Variants in RILPL2 observed in about 807,000 individuals in gnomAD.
The protein encoded by RILPL2 is RILP-like protein 2.
In RILPL2, 19 loss-of-function variants were observed where a neutral mutation model predicts 22.2. The observed-to-expected ratio is 0.86, with a 90% CI of 0.60 to 1.25. The LOEUF (loss-of-function observed/expected upper bound fraction) is 1.25, where lower values mean the gene tolerates loss of function less well. Ranked by LOEUF, RILPL2 falls within the 50% of genes most tolerant of loss-of-function variation. RILPL2 has a pLI of 0.00. For synonymous variants in RILPL2, 123 were observed against 111.6 expected, an observed-to-expected ratio of 1.10 and a Z score of -0.64; for missense variants, 243 against 263.6, an observed-to-expected ratio of 0.92 and a Z score of 0.54.
At chr12:123,431,132 AG>A (rs1879636750) in intron 1 of RILPL2, among the ~76,000 whole-genome samples, 1 of 152,152 alleles carries the variant, frequency 6.6e-6, no homozygotes, top group Non-Finnish European at 1.5e-5. Flanking sequence ...ACAGCAGCCA[AG>A]GGGTAGTAGC....
At chr12:123,430,345 G>A (rs150847848) in intron 2 of RILPL2, among the ~76,000 whole-genome samples, 163 bp downstream of exon 2, 3 of 151,852 alleles carry the variant, frequency 2.0e-5, no homozygotes, top group Admixed American at 1.3e-4. Flanking sequence ...GGAGGCAGAG[G>A]TTGCAGTGAG....
chr12:123,421,141 C>T (rs1476936001), intron 3 of RILPL2, among the ~76,000 whole-genome samples: 1 of 151,786 alleles, frequency 6.6e-6, no homozygotes, highest in Non-Finnish European at 1.5e-5. Context: ...CTCCCAAGCT[C>T]AAGTGATTCT....
At chr12:123,430,399 ACT>A (rs963598966) in intron 2 of RILPL2, 107 bp downstream of exon 2, 1 of 1,132,464 alleles carries the variant, frequency 8.8e-7, no homozygotes, top group East Asian at 3.1e-5. Flanking sequence ...ACAGAGCGAG[ACT>A]CTGTCTCAAA....
intron 2 of RILPL2, among the ~76,000 whole-genome samples, chr12:123,430,226 G>A (rs138170286): frequency 0.052 from 7,780 of 149,436 alleles, 266 homozygotes; most frequent in Non-Finnish European, 0.077. Context: ...TGCCTAACAC[G>A]GTGAAACTCC....
intron 1 of RILPL2, among the ~76,000 whole-genome samples, chr12:123,432,041 CCT>C (rs1213152703): frequency 6.6e-6 from 1 of 151,504 alleles, no homozygotes; most frequent in African/African-American, 2.4e-5. Flanking sequence ...ATTACAGGCG[CCT>C]GCCACCAAGC....
chr12:123,419,159 C>T (rs894687683), intron 3 of RILPL2, among the ~76,000 whole-genome samples: 7 of 151,550 alleles, frequency 4.6e-5, no homozygotes, highest in African/African-American at 1.7e-4. Flanking sequence ...TACAGGCGCC[C>T]ACTACCATGC....
At chr12:123,412,220 C>A (rs1241854792), downstream of RILPL2, 1 of 152,200 alleles carries the variant, frequency 6.6e-6, no homozygotes, top group Non-Finnish European at 1.5e-5. Context: ...TAGCTCACTG[C>A]AGCCTCAAAC....
In RILPL2 at chr12:123,430,494, G is replaced by A. The variant is rs372809490; in HGVS notation, c.491+14C>T. On this transcript the variant is annotated intron_variant, in intron 2 of 3. Coordinates refer to ENST00000280571, the MANE Select transcript of RILPL2 (RefSeq NM_145058.3). Reference sequence around the variant, plus strand: ...CAGGTCTGGGTGCAGGACCCTCCAGGCAGTGGAGCCCACCTCTTGTAGCAC... The same window carrying A: ...CAGGTCTGGGTGCAGGACCCTCCAGACAGTGGAGCCCACCTCTTGTAGCAC... 2 of 1,598,260 alleles carry A rather than the reference G, an allele frequency of 1.3e-6. No individual in the cohort carries two copies. The highest frequency in any genetic ancestry group is 1.7e-6 in the Non-Finnish European group (2 of 1,171,014).
At chr12:123,427,208 T>C (rs1879466018) in intron 2 of RILPL2, among the ~76,000 whole-genome samples, 1 of 152,186 alleles carries the variant, frequency 6.6e-6, no homozygotes. Flanking sequence ...CAGCTGGGGC[T>C]GTCAGCAGGT....
chr12:123,426,463 A>G (rs1879444337), intron 2 of RILPL2, among the ~76,000 whole-genome samples: 2 of 151,948 alleles, frequency 1.3e-5, no homozygotes, highest in South Asian at 2.1e-4. Flanking sequence ...ATATTTTATT[A>G]TAGATACTTA....
At chr12:123,419,009 G>T (rs541186440) in intron 3 of RILPL2, among the ~76,000 whole-genome samples, 1 of 143,236 alleles carries the variant, frequency 7.0e-6, no homozygotes, top group Non-Finnish European at 1.5e-5. Flanking sequence ...GACCCACTGC[G>T]CCCGGCTTTT....
intron 2 of RILPL2, among the ~76,000 whole-genome samples, chr12:123,423,659 C>CT (rs35205288): frequency 0.16 from 22,685 of 139,406 alleles, 2,003 homozygotes; most frequent in Middle Eastern, 0.29. Flanking sequence ...TGCCTCGTTT[C>CT]TTTTTTTTTT....
chr12:123,420,595 C>T lies in RILPL2; in HGVS notation c.605+2449G>A, dbSNP rs546312860. Among the ~76,000 whole-genome samples the T allele has an allele frequency of 3.3e-5, 5 of 151,856 alleles. No individual in the cohort carries two copies. In the South Asian group the frequency reaches 8.3e-4, roughly 25 times the overall value. ...GGGATTACAGGCACCCGCCACCATG[C>T]CCGGCTAATTTTTGTATTTTTAGTA... On this transcript the variant is annotated intron_variant, in intron 3 of 3. Coordinates refer to ENST00000280571, the MANE Select transcript of RILPL2 (RefSeq NM_145058.3).
At chr12:123,425,122 G>A (rs75608291) in intron 2 of RILPL2, among the ~76,000 whole-genome samples, 9 of 151,598 alleles carry the variant, frequency 5.9e-5, no homozygotes, top group Middle Eastern at 3.4e-3. Context: ...CTCGTGATCC[G>A]CCCGCCTCTG....
intron 1 of RILPL2, among the ~76,000 whole-genome samples, chr12:123,432,016 TC>T (rs1325256380): frequency 6.6e-6 from 1 of 151,528 alleles, no homozygotes; most frequent in Non-Finnish European, 1.5e-5. Context: ...TGCCTCAGCC[TC>T]CCTAGTAGCT....
Position 123,433,075 on chromosome 12 carries a change from C to CT in RILPL2, c.340-2417dup, listed in dbSNP as rs1879696976. Among the ~76,000 whole-genome samples the CT allele has an allele frequency of 3.3e-5, 5 of 149,540 alleles. No individual in the cohort carries two copies. In the South Asian group the frequency reaches 1.1e-3, roughly 32 times the overall value. On this transcript the variant is annotated intron_variant, in intron 1 of 3. Coordinates refer to ENST00000280571, the MANE Select transcript of RILPL2 (RefSeq NM_145058.3). Reference sequence around the variant, plus strand: ...GAATTTCAGTGACTCTGTTCCTGTTCTTTCCTGGCTTACTTCTTGGTTTGT... The same window carrying CT: ...GAATTTCAGTGACTCTGTTCCTGTTCTTTTCCTGGCTTACTTCTTGGTTTGT...
At chr12:123,434,813 T>C (rs998136684) in intron 1 of RILPL2, among the ~76,000 whole-genome samples, 1 of 151,954 alleles carries the variant, frequency 6.6e-6, no homozygotes, top group African/African-American at 2.4e-5. Flanking sequence ...ATTTCCCTTC[T>C]TTTCCCCCCA....
intron 1 of RILPL2, among the ~76,000 whole-genome samples, chr12:123,434,784 C>G (rs968013378): frequency 3.3e-5 from 5 of 151,834 alleles, no homozygotes; most frequent in Admixed American, 6.6e-5. Context: ...AGATATGGGA[C>G]ACTTCTAGCT....
At chr12:123,430,766 GGC>G in intron 1 of RILPL2, 107 bp from the exon 2 acceptor site, 1 of 910,942 alleles carries the variant, frequency 1.1e-6, no homozygotes, top group Non-Finnish European at 1.4e-6. Context: ...GGAGTGCCAT[GGC>G]ACAATCTTGG....
Sources: allele counts gnomAD v4.1 joint callset (sites outside exome capture counted in the v4.1 genomes callset), GRCh38; gene constraint gnomAD v4.1.1; transcripts MANE v1.5; gene names NCBI Gene and HGNC (gene_info 2026-07-23, HGNC 2026-07-21).